PTPRK: variants seen among roughly 807,000 people sequenced by gnomAD.
PTPRK encodes receptor-type tyrosine-protein phosphatase kappa.
A neutral mutation model predicts 178.0 loss-of-function variants in PTPRK; 75 were observed. The ratio of observed to expected loss-of-function variants is 0.42; its 90% CI spans 0.35 to 0.51. The LOEUF (loss-of-function observed/expected upper bound fraction) is 0.51. Ranked by LOEUF, PTPRK falls within the 20% of genes least tolerant of loss-of-function variation. The pLI is 0.02. For synonymous variants in PTPRK, 637 were observed against 620.6 expected, an observed-to-expected ratio of 1.03 and a Z score of -0.39; for missense variants, 1,441 against 1,797.8, an observed-to-expected ratio of 0.80 and a Z score of 3.59.
intron 1 of PTPRK, among the ~76,000 whole-genome samples, chr6:128,512,983 T>C (rs1857402534): frequency 6.6e-6 from 1 of 152,226 alleles, no homozygotes; most frequent in African/African-American, 2.4e-5. Context: ...ATGATTTGCA[T>C]ATAGCATGTT....
At chr6:128,416,990 T>G (rs536173849) in intron 1 of PTPRK, among the ~76,000 whole-genome samples, 2 of 148,460 alleles carry the variant, frequency 1.3e-5, no homozygotes, top group East Asian at 3.9e-4. Flanking sequence ...AATTATAAAA[T>G]TATAATTATA....
At chr6:128,020,991 A>G (rs1473690864) in intron 13 of PTPRK, among the ~76,000 whole-genome samples, 2 of 152,208 alleles carry the variant, frequency 1.3e-5, no homozygotes, top group African/African-American at 4.8e-5. Context: ...TTAATATTAA[A>G]CAGATGAACC....
chr6:128,421,571 T>C (rs1843486690), intron 1 of PTPRK, among the ~76,000 whole-genome samples: 1 of 152,200 alleles, frequency 6.6e-6, no homozygotes, highest in African/African-American at 2.4e-5. Flanking sequence ...AAGACGACTC[T>C]TCACAAGTAT....
chr6:128,114,076 G>C (rs1487249317), intron 7 of PTPRK, among the ~76,000 whole-genome samples: 1 of 152,096 alleles, frequency 6.6e-6, no homozygotes, highest in Non-Finnish European at 1.5e-5. Context: ...TAAGAGGCAG[G>C]AGTTGATTAC....
At chr6:128,378,643 G>T (rs928102795) in intron 2 of PTPRK, among the ~76,000 whole-genome samples, 3 of 151,970 alleles carry the variant, frequency 2.0e-5, no homozygotes, top group Non-Finnish European at 4.4e-5. Context: ...ATAAAAATTA[G>T]ATTCTAAAAT....
At chr6:128,315,024 C>T (rs369441336) in intron 3 of PTPRK, among the ~76,000 whole-genome samples, 1 of 131,518 alleles carries the variant, frequency 7.6e-6, no homozygotes, top group Admixed American at 7.8e-5. Flanking sequence ...AACAAACAAA[C>T]AAAGGAACAA....
chr6:128,330,867 CA>C (rs869192785), intron 2 of PTPRK, among the ~76,000 whole-genome samples: 2 of 146,538 alleles, frequency 1.4e-5, no homozygotes, highest in African/African-American at 5.3e-5. Flanking sequence ...AAAACAAAAA[CA>C]AAAACAAAAA....
intron 13 of PTPRK, among the ~76,000 whole-genome samples, chr6:128,028,930 T>A (rs983776822): frequency 3.3e-5 from 5 of 152,204 alleles, no homozygotes; most frequent in African/African-American, 1.2e-4. Flanking sequence ...TTTAGTGAGC[T>A]AAGAATTCAG....
Position 128,012,418 on chromosome 6 carries a change from G to T in PTPRK, c.2195-3150C>A, listed in dbSNP as rs115387418. Among the ~76,000 whole-genome samples, 5 of 151,338 alleles carry T rather than the reference G, an allele frequency of 3.3e-5. No individual in the cohort carries two copies. In the East Asian group the frequency reaches 7.8e-4, roughly 24 times the overall value. On this transcript the variant is annotated intron_variant, in intron 13 of 29. Coordinates refer to ENST00000368226, the MANE Select transcript of PTPRK (RefSeq NM_002844.4). ...AAGAGAGCAAAAAGCTATTATAGTG[G>T]TGGTGCCCCTGAGTTCTGTTTATAA...
chr6:128,339,374 A>C (rs2128330115), intron 2 of PTPRK, among the ~76,000 whole-genome samples: 1 of 152,326 alleles, frequency 6.6e-6, no homozygotes, highest in Admixed American at 6.5e-5. Context: ...TAATTCAGGT[A>C]TCTGAAGCAT....
At chr6:128,020,769 A>G (rs1451194451) in intron 13 of PTPRK, among the ~76,000 whole-genome samples, 1 of 152,160 alleles carries the variant, frequency 6.6e-6, no homozygotes, top group African/African-American at 2.4e-5. Context: ...CACTCTGCTT[A>G]TTTACGAAAT....
intron 2 of PTPRK, among the ~76,000 whole-genome samples, chr6:128,357,320 T>G (rs1249438354): frequency 6.6e-6 from 1 of 152,226 alleles, no homozygotes; most frequent in Non-Finnish European, 1.5e-5. Flanking sequence ...AGAGTTCAGA[T>G]TTTAATAGTT....
At chr6:128,315,207 G>T (rs1827835980) in intron 3 of PTPRK, among the ~76,000 whole-genome samples, 1 of 152,084 alleles carries the variant, frequency 6.6e-6, no homozygotes, top group Non-Finnish European at 1.5e-5. Flanking sequence ...TTGTGATGTT[G>T]TTGCAAAATG....
At chr6:128,486,438 GA>G (rs1283057123) in intron 1 of PTPRK, among the ~76,000 whole-genome samples, 2 of 151,976 alleles carry the variant, frequency 1.3e-5, no homozygotes, top group Non-Finnish European at 1.5e-5. Flanking sequence ...AAGTTTAGGG[GA>G]AAAAATCATG....
chr6:128,233,434 G>T (rs1432725403), intron 5 of PTPRK, among the ~76,000 whole-genome samples: 1 of 152,206 alleles, frequency 6.6e-6, no homozygotes, highest in African/African-American at 2.4e-5. Flanking sequence ...TAGACCAACC[G>T]CTTTCACTGC....
intron 2 of PTPRK, among the ~76,000 whole-genome samples, chr6:128,353,740 G>A (rs1027013592): frequency 6.6e-6 from 1 of 152,146 alleles, no homozygotes; most frequent in Non-Finnish European, 1.5e-5. Flanking sequence ...CTGTGTCTAC[G>A]AAAAGGTAGC....
chr6:128,063,145 C>G (rs1781152397), intron 13 of PTPRK, among the ~76,000 whole-genome samples: 1 of 152,168 alleles, frequency 6.6e-6, no homozygotes, highest in Non-Finnish European at 1.5e-5. Flanking sequence ...CTCTTACTCA[C>G]TACACCACAC....
At chr6:128,376,278 TCTAAC>T (rs1837059191) in intron 2 of PTPRK, among the ~76,000 whole-genome samples, 1 of 152,164 alleles carries the variant, frequency 6.6e-6, no homozygotes, top group Non-Finnish European at 1.5e-5. Context: ...GCCTCTGAAA[TCTAAC>T]TGGAGGTTCC....
At chr6:128,291,436 T>C (rs1044833532) in intron 3 of PTPRK, among the ~76,000 whole-genome samples, 3 of 152,140 alleles carry the variant, frequency 2.0e-5, no homozygotes, top group Non-Finnish European at 2.9e-5. Flanking sequence ...CACTAAGTTT[T>C]TGGCAATTTG....
Sources: gnomAD v4.1 joint callset for allele counts (sites outside exome capture counted in the v4.1 genomes callset) on GRCh38, gnomAD v4.1.1 for gene constraint, MANE v1.5 for transcripts, NCBI Gene and HGNC (gene_info 2026-07-23, HGNC 2026-07-21) for gene names.